Variants in CLN8 observed in about 807,000 individuals in gnomAD.
CLN8 encodes the protein protein CLN8.
A neutral mutation model predicts 15.7 loss-of-function variants in CLN8; 14 were observed. The observed-to-expected ratio is 0.89, with a 90% confidence interval of 0.59 to 1.39. CLN8 has a LOEUF of 1.39. Among genes scored for constraint, CLN8 ranks in the 40% most tolerant of loss-of-function variants. The pLI is 0.00. For missense variants in CLN8, 415 were observed against 364.0 expected, an observed-to-expected ratio of 1.14 and a Z score of -1.14; for synonymous variants, 188 against 151.0, an observed-to-expected ratio of 1.25 and a Z score of -1.80.
upstream of CLN8, chr8:1,759,472 T>C (rs1326576007): frequency 6.6e-6 from 1 of 152,086 alleles, no homozygotes; most frequent in Admixed American, 6.6e-5. Flanking sequence ...GTAGGATTCG[T>C]GCCACAGGCA....
At chr8:1,774,308 C>A (rs1235173211) in intron 2 of CLN8, among the ~76,000 whole-genome samples, 1 of 152,214 alleles carries the variant, frequency 6.6e-6, no homozygotes, top group African/African-American at 2.4e-5. Context: ...CTCATGTTAA[C>A]TGTATAAAGC....
At chr8:1,770,347 G>T (rs935522509) in intron 1 of CLN8, among the ~76,000 whole-genome samples, 2 of 152,086 alleles carry the variant, frequency 1.3e-5, no homozygotes, top group Non-Finnish European at 2.9e-5. Context: ...TGAGATGCAG[G>T]GGATGGTGAG....
intron 1 of CLN8, among the ~76,000 whole-genome samples, chr8:1,756,931 C>T (rs760406084): frequency 2.0e-5 from 3 of 152,114 alleles, no homozygotes; most frequent in Non-Finnish European, 4.4e-5. Context: ...GACCCACCCA[C>T]CTCGGCATCC....
chr8:1,760,423 C>A (rs941350637), upstream of CLN8: 1 of 152,174 alleles, frequency 6.6e-6, no homozygotes, highest in African/African-American at 2.4e-5. Flanking sequence ...AGCTGGGAAT[C>A]CGCCCGGGTT....
At chr8:1,757,754 T>C (rs1054781655) in intron 1 of CLN8, among the ~76,000 whole-genome samples, 1 of 152,170 alleles carries the variant, frequency 6.6e-6, no homozygotes, top group Middle Eastern at 3.2e-3. Context: ...CTGGTTGTTA[T>C]GGGCATTTTT....
chr8:1,770,098 T>C (rs931352355), intron 1 of CLN8, among the ~76,000 whole-genome samples: 2 of 152,228 alleles, frequency 1.3e-5, no homozygotes, highest in Admixed American at 6.5e-5. Flanking sequence ...ACACCAAAAA[T>C]GAGTGTTTGG....
At chr8:1,779,933 A>G (rs982707581) in intron 2 of CLN8, 2 of 984,546 alleles carry the variant, frequency 2.0e-6, no homozygotes, top group African/African-American at 3.5e-5. Flanking sequence ...TCAAGATAAA[A>G]CAAAGATTGA....
intron 2 of CLN8, 118 bp from the exon 3 acceptor site, chr8:1,780,132 T>G: frequency 6.4e-7 from 1 of 1,569,144 alleles, no homozygotes; most frequent in Non-Finnish European, 8.6e-7. Context: ...GAAATTCTTT[T>G]GCTTTGAAAT....
chr8:1,770,521 G>T (rs1242787126), intron 1 of CLN8, among the ~76,000 whole-genome samples: 1 of 152,154 alleles, frequency 6.6e-6, no homozygotes, highest in Non-Finnish European at 1.5e-5. Context: ...CATCCTTGGG[G>T]TGTTAACTAG....
intron 1 of CLN8, among the ~76,000 whole-genome samples, chr8:1,766,389 T>G (rs1801056221): frequency 8.7e-6 from 1 of 115,102 alleles, no homozygotes; most frequent in African/African-American, 3.5e-5. Context: ...TCCAGTTTTT[T>G]GTTTTTTTTT....
intron 2 of CLN8, among the ~76,000 whole-genome samples, chr8:1,774,141 G>A (rs1370561329): frequency 1.3e-5 from 2 of 152,190 alleles, no homozygotes; most frequent in Non-Finnish European, 2.9e-5. Context: ...AGCGTCTCCA[G>A]CAGTTCTCCC....
At position 1,771,585 on chromosome 8, in the gene CLN8, G is replaced by T; in HGVS notation, c.531G>T (p.Trp177Cys). 1 of 1,613,782 alleles carries T rather than the reference G, an allele frequency of 6.2e-7. No individual in the cohort carries two copies. Among genetic ancestry groups the T allele is most frequent in the Non-Finnish European group, 8.5e-7 (1 of 1,179,952 alleles). ...EMSTPFTCVS[W>C]MLLKAGWSES... ...GCACGCCCTTTACCTGCGTTTCCTG[G>T]ATGCTCTTAAAGGTAAGTGCATGCA... The change falls in exon 2 of 3, where the codon TGG becomes TGT. Residue 177 changes from tryptophan to cysteine, a missense_variant. Physicochemically the swap from Trp to Cys is radical, Grantham distance 215. Coordinates refer to ENST00000331222, the MANE Select transcript of CLN8 (RefSeq NM_018941.4).
chr8:1,755,223 C>G (rs572409124), upstream of CLN8, among the ~76,000 whole-genome samples: 2 of 152,198 alleles, frequency 1.3e-5, no homozygotes, highest in Non-Finnish European at 2.9e-5. Context: ...ATAGACACAA[C>G]CTGACATAGA....
rs780551031 is a variant in CLN8 at position 1,771,213 on chromosome 8, C to A, written c.159C>A (p.Tyr53Ter). The change falls in exon 2 of 3, where the codon TAC becomes TAA. Residue 53 changes from tyrosine to a stop codon, truncating the protein, a stop_gained. Transcript: ENST00000331222. LOFTEE classifies it high-confidence loss of function. The stretch of plus-strand genomic sequence containing the variant: ...TGTCCTCTTCCCTGAATGCCACTTA[C>A]CGTTCTTTGGTGGCCAGAGAGAAGG... ...HQLSSSLNAT[Y>*]RSLVAREKVF... 4.3e-6 allele frequency: 7 copies of A among 1,613,928 alleles called. No individual in the cohort carries two copies. The highest frequency in any genetic ancestry group is 3.4e-6 in the Non-Finnish European group (4 of 1,179,994).
intron 1 of CLN8, among the ~76,000 whole-genome samples, chr8:1,769,555 C>G (rs777009183): frequency 1.3e-5 from 2 of 152,162 alleles, no homozygotes; most frequent in African/African-American, 2.4e-5. Context: ...TGGACAAGTC[C>G]CTGCACACTG....
chr8:1,775,163 A>G (rs978100107), intron 2 of CLN8, among the ~76,000 whole-genome samples: 2 of 152,206 alleles, frequency 1.3e-5, no homozygotes, highest in Non-Finnish European at 2.9e-5. Flanking sequence ...TATAACAAAT[A>G]AATACCAATA....
At chr8:1,772,211 C>T (rs979235644) in intron 2 of CLN8, among the ~76,000 whole-genome samples, 3 of 152,130 alleles carry the variant, frequency 2.0e-5, no homozygotes, top group Non-Finnish European at 1.5e-5. Flanking sequence ...GCTGGAATTA[C>T]AAATGTGAGC....
chr8:1,769,583 C>T (rs917774377), intron 1 of CLN8, among the ~76,000 whole-genome samples: 3 of 152,140 alleles, frequency 2.0e-5, no homozygotes, highest in Non-Finnish European at 4.4e-5. Context: ...GGGGACCAGG[C>T]GGGGACCTGA....
chr8:1,773,634 T>C (rs955590632), intron 2 of CLN8: 1 of 152,336 alleles, frequency 6.6e-6, no homozygotes, highest in South Asian at 2.1e-4. Flanking sequence ...GTGGGCGTTA[T>C]TTCCATAAGA....
Sources: gnomAD v4.1 joint callset for allele counts (sites outside exome capture counted in the v4.1 genomes callset) on GRCh38, gnomAD v4.1.1 for gene constraint, MANE v1.5 for transcripts, NCBI Gene and HGNC (gene_info 2026-07-23, HGNC 2026-07-21) for gene names.